Variants in UGT1A3 observed in about 807,000 individuals in gnomAD.
UGT1A3 encodes the protein UDP-glucuronosyltransferase 1A3.
UGT1A3 carries 31 observed loss-of-function variants against 41.0 expected under a neutral mutation model. That is an observed-to-expected ratio of 0.76 (90% confidence interval 0.57 to 1.02). The LOEUF (loss-of-function observed/expected upper bound fraction) is 1.02. UGT1A3 is among the 50% of genes least tolerant of loss of function. The probability of loss-of-function intolerance (pLI) is 0.00; values close to 1 mark genes in which losing one functional copy is unlikely to be tolerated. For missense variants in UGT1A3, 737 were observed against 671.0 expected, an observed-to-expected ratio of 1.10 and a Z score of -1.09; for synonymous variants, 262 against 257.6, an observed-to-expected ratio of 1.02 and a Z score of -0.17.
At chr2:233,743,592 G>T (rs370692834) in intron 1 of UGT1A3, 2 of 1,367,196 alleles carry the variant, frequency 1.5e-6, no homozygotes, top group Non-Finnish European at 2.0e-6. Context: ...AAGGAGAATG[G>T]GTCCTGGCCG....
intron 1 of UGT1A3, among the ~76,000 whole-genome samples, chr2:233,730,257 A>C (rs1190299662): frequency 6.6e-6 from 1 of 152,082 alleles, no homozygotes; most frequent in Non-Finnish European, 1.5e-5. Flanking sequence ...ACTCATAGAG[A>C]CTGTTGGTTT....
intron 1 of UGT1A3, among the ~76,000 whole-genome samples, chr2:233,750,317 C>A (rs543565956): frequency 1.3e-5 from 2 of 151,994 alleles, no homozygotes; most frequent in South Asian, 4.1e-4. Flanking sequence ...ATCTGTGGAA[C>A]TTTGAACTTC....
chr2:233,743,340 A>AGTCGAC, intron 1 of UGT1A3: 1 of 778,214 alleles, frequency 1.3e-6, no homozygotes, highest in Non-Finnish European at 2.0e-6. Flanking sequence ...TTTCAGTGGA[A>AGTCGAC]GTCGACATGG....
chr2:233,761,475 T>C (rs930055799), intron 1 of UGT1A3, among the ~76,000 whole-genome samples: 6 of 152,232 alleles, frequency 3.9e-5, no homozygotes, highest in African/African-American at 1.2e-4. Flanking sequence ...GAAAACTCAG[T>C]TGAAGCCTGC....
rs942942748 is a variant in UGT1A3, at chr2:233,747,245, G to A, written c.867+17252G>A. 1.9e-6 allele frequency: 3 copies of A among 1,602,546 alleles called. No individual in the cohort carries two copies. In the African/African-American group the frequency reaches 4.0e-5, roughly 22 times the overall value. On this transcript the variant is annotated intron_variant, in intron 1 of 4. Transcript: ENST00000482026. ...ACAGGACCCCAGGTTCCCCTGCTGT[G>A]GCTGGCCACAGGAGTGCTACTCCTT... is the stretch of plus-strand genomic sequence containing the variant.
At chr2:233,762,823 A>T (rs1219998858) in intron 1 of UGT1A3, among the ~76,000 whole-genome samples, 1 of 151,946 alleles carries the variant, frequency 6.6e-6, no homozygotes, top group East Asian at 1.9e-4. Context: ...ATTGATTTTC[A>T]TAATAAAAAA....
chr2:233,753,309 CCT>C (rs1299890388), intron 1 of UGT1A3: 3 of 152,212 alleles, frequency 2.0e-5, no homozygotes, highest in African/African-American at 7.2e-5. Context: ...CCCGTGTGCC[CCT>C]GTGGGATGGT....
chr2:233,738,615 C>T lies in UGT1A3; in HGVS notation c.867+8622C>T, dbSNP rs190192640. 3.7e-3 allele frequency among the ~76,000 whole-genome samples: 556 copies of T among 152,294 alleles called. 1 individual carries two copies. Among genetic ancestry groups the T allele is most frequent in the Admixed American group, 7.3e-3 (112 of 15,298 alleles). ...CTTGCTAAGCTTTAGCAAAGAAACT[C>T]GTGGCATTTTTGCCCCTGCCCTAGA... is the stretch of plus-strand genomic sequence containing the variant. On this transcript the variant is annotated intron_variant, in intron 1 of 4. Coordinates refer to ENST00000482026, the MANE Select transcript of UGT1A3 (RefSeq NM_019093.4).
At chr2:233,761,154 G>A (rs1374366123) in intron 1 of UGT1A3, 1 of 1,614,240 alleles carries the variant, frequency 6.2e-7, no homozygotes, top group East Asian at 2.2e-5. Flanking sequence ...TATCCCAGGT[G>A]TGTATTGGAG....
chr2:233,764,332 A>G (rs1422714629), intron 1 of UGT1A3, among the ~76,000 whole-genome samples: 2 of 152,124 alleles, frequency 1.3e-5, no homozygotes, highest in Non-Finnish European at 2.9e-5. Flanking sequence ...CAAGTAGGGG[A>G]TGGACTTCAC....
intron 1 of UGT1A3, among the ~76,000 whole-genome samples, chr2:233,761,962 G>T (rs1257423083): frequency 6.6e-6 from 1 of 152,228 alleles, no homozygotes; most frequent in Non-Finnish European, 1.5e-5. Context: ...CCATTAAGGG[G>T]ACTGATATCA....
rs528527073 is a variant in UGT1A3 at position 233,743,656 on chromosome 2, G to A, written c.867+13663G>A. On this transcript the variant is annotated intron_variant, in intron 1 of 4. Transcript: ENST00000482026. ...GGTCGCGGAAGCTGAAGACGTACTC[G>A]AAGGGGTCCTCGAAGGGCCTGCCGC... 2.2e-5 allele frequency: 30 copies of A among 1,367,266 alleles called. 1 individual carries two copies. Among genetic ancestry groups the A allele is most frequent in the Middle Eastern group, 4.2e-4 (2 of 4,768 alleles). The allele number at this position is 1,367,266 out of a possible 1,614,324, so 84.7% of individuals were successfully genotyped here.
Position 233,729,788 on chromosome 2 carries a change from C to G in UGT1A3, c.662C>G (p.Ser221Cys). ...VKNMLYPLAL[S>C]YICHAFSAPY... ...AACATGCTCTACCCTCTGGCCCTGT[C>G]CTACATTTGCCATGCTTTTTCTGCT... Residue 221 changes from serine (S) to cysteine (C), a missense_variant, in exon 1 of 5, where the codon TCC becomes TGC. Transcript: ENST00000482026. The G allele has an allele frequency of 6.2e-7, 1 of 1,613,954 alleles. No individual in the cohort carries two copies. The highest frequency in any genetic ancestry group is 8.5e-7 in the Non-Finnish European group (1 of 1,179,858).
rs773957041 is a variant in UGT1A3 at position 233,772,325 on chromosome 2, C to G, written c.1371C>G (p.Asp457Glu). Residue 457 changes from aspartate to glutamate, a missense_variant, in exon 5 of 5, where the codon GAC becomes GAG. Coordinates refer to ENST00000482026, the MANE Select transcript of UGT1A3 (RefSeq NM_019093.4). ...AGGACCGCCCGGTGGAGCCGCTGGACCTGGCCGTGTTCTGGGTGGAGTTTG... is the reference window on the plus strand; with the variant it reads ...AGGACCGCCCGGTGGAGCCGCTGGAGCTGGCCGTGTTCTGGGTGGAGTTTG... ...LHKDRPVEPLDLAVFWVEFVM... is the reference protein window; with the variant it reads ...LHKDRPVEPLELAVFWVEFVM... The G allele has an allele frequency of 1.9e-6, 3 of 1,614,136 alleles. No individual in the cohort carries two copies. The highest frequency in any genetic ancestry group is 2.2e-5 in the South Asian group (2 of 91,076).
chr2:233,733,145 T>C (rs2078361109), intron 1 of UGT1A3, among the ~76,000 whole-genome samples: 1 of 152,246 alleles, frequency 6.6e-6, no homozygotes, highest in Non-Finnish European at 1.5e-5. Flanking sequence ...TTGTGATTTT[T>C]GCACATTGAT....
chr2:233,746,343 T>C (rs754584416), intron 1 of UGT1A3, among the ~76,000 whole-genome samples: 11 of 151,756 alleles, frequency 7.2e-5, no homozygotes, highest in Non-Finnish European at 1.6e-4. Context: ...TGGACATGTT[T>C]ATGTTGCTCC....
chr2:233,752,638 G>C (rs1306157736), intron 1 of UGT1A3: 1 of 152,130 alleles, frequency 6.6e-6, no homozygotes, highest in Non-Finnish European at 1.5e-5. Context: ...TGTTGTCTTA[G>C]TTACTGGGAA....
intron 1 of UGT1A3, among the ~76,000 whole-genome samples, chr2:233,735,334 C>G (rs2078639542): frequency 6.6e-6 from 1 of 152,026 alleles, no homozygotes; most frequent in South Asian, 2.1e-4. Flanking sequence ...ATTGCAACCC[C>G]TGCTTTTTTT....
chr2:233,734,262 T>C (rs1260850291), intron 1 of UGT1A3, among the ~76,000 whole-genome samples: 1 of 152,214 alleles, frequency 6.6e-6, no homozygotes, highest in Non-Finnish European at 1.5e-5. Context: ...GGAGGGTGTA[T>C]GTGTCCAGGA....
Sources: gnomAD v4.1 joint callset for allele counts (sites outside exome capture counted in the v4.1 genomes callset) on GRCh38, gnomAD v4.1.1 for gene constraint, MANE v1.5 for transcripts, NCBI Gene and HGNC (gene_info 2026-07-23, HGNC 2026-07-21) for gene names.